DDX3X: variants seen among roughly 807,000 people sequenced by gnomAD.
DDX3X encodes the protein DEAD-box helicase 3 X-linked, also known as ATP-dependent RNA helicase DDX3X.
DDX3X carries 4 observed loss-of-function variants against 52.7 expected under a neutral mutation model. The observed-to-expected ratio is 0.08, with a 90% CI of 0.04 to 0.17. The LOEUF is 0.17. Ranked by LOEUF, DDX3X falls within the 10% of genes least tolerant of loss-of-function variation. DDX3X has a pLI of 1.00. For missense variants in DDX3X, 222 were observed against 548.6 expected, an observed-to-expected ratio of 0.40 and a Z score of 5.95; for synonymous variants, 192 against 178.1, an observed-to-expected ratio of 1.08 and a Z score of -0.62.
At chrX:41,338,898 CCT>C (rs2063808374) in intron 2 of DDX3X, 136 bp from the exon 3 acceptor site, 1 of 215,820 alleles carries the variant, frequency 4.6e-6, no homozygotes, top group African/African-American at 3.0e-5. Flanking sequence ...ATTTTTCCCC[CCT>C]CTCAGTGTCC....
intron 5 of DDX3X, among the ~76,000 whole-genome samples, chrX:41,356,479 A>C (rs1268104181): frequency 8.1e-5 from 3 of 36,975 alleles, no homozygotes; most frequent in Admixed American, 4.0e-4. Context: ...TTTTTTTTTG[A>C]GACGGAGTCT....
In DDX3X at chrX:41,334,508, G is replaced by A. The variant is rs933981025; in HGVS notation, c.45+211G>A. Reference sequence around the variant, plus strand: ...GGTCTCGGCCCGCTGTATTGTCCCCGGGACGAGCACAATGGCGGCTTTTGT... The same window carrying A: ...GGTCTCGGCCCGCTGTATTGTCCCCAGGACGAGCACAATGGCGGCTTTTGT... On this transcript the variant is annotated intron_variant, in intron 1 of 16. Coordinates refer to ENST00000644876, the MANE Select transcript of DDX3X (RefSeq NM_001356.5). 20 of 1,095,236 alleles carry A rather than the reference G, an allele frequency of 1.8e-5. No individual in the cohort carries two copies. In the African/African-American group the frequency reaches 2.8e-4, roughly 15 times the overall value. 90.3% of individuals were successfully genotyped at this position (1,095,236 alleles called of 1,213,427 possible). A position where few individuals can be genotyped will look rare whatever the true frequency, so the allele number is the denominator to read the frequency against.
chrX:41,341,853 A>G, intron 4 of DDX3X: 1 of 317,147 alleles, frequency 3.2e-6, no homozygotes, highest in Non-Finnish European at 5.5e-6. Flanking sequence ...GTTCTACTTA[A>G]AAGAGTAAGT....
chrX:41,346,232 A>G lies in DDX3X; in HGVS notation c.1319A>G (p.Lys440Arg). Reference sequence around the variant, plus strand: ...ACCTATAATTTTTCAACGACAGGCAAGGATTCACTGACCTTAGTGTTTGTG... The same window carrying G: ...ACCTATAATTTTTCAACGACAGGCAGGGATTCACTGACCTTAGTGTTTGTG... ...FLLDLLNATGKDSLTLVFVET... is the reference protein window; with the variant it reads ...FLLDLLNATGRDSLTLVFVET... The change falls in exon 13 of 17, where the codon AAG becomes AGG. Residue 440 changes from lysine to arginine, a missense_variant. By Grantham distance (26) the Lys-to-Arg change is conservative. Transcript: ENST00000644876. The G allele has an allele frequency of 7.5e-6, 9 of 1,201,174 alleles. No homozygotes were observed. The highest frequency in any genetic ancestry group is 2.3e-5 in the Admixed American group (1 of 43,022).
downstream of DDX3X, chrX:41,350,456 A>G (rs936390770): frequency 8.0e-5 from 9 of 112,032 alleles, no homozygotes; most frequent in African/African-American, 2.9e-4. Flanking sequence ...ATAATACAGC[A>G]TGTATTAGAA....
chrX:41,359,955 C>G (rs1348285257), intron 5 of DDX3X, among the ~76,000 whole-genome samples: 3 of 109,157 alleles, frequency 2.7e-5, no homozygotes, highest in African/African-American at 6.7e-5. Context: ...GCACTCCAGC[C>G]TGGGCGACAG....
rs2063966847 is a variant in DDX3X at position 41,349,756 on chromosome X, T to A, written c.*2037T>A. On this transcript the variant is annotated 3_prime_UTR_variant, in exon 17 of 17. Transcript: ENST00000644876. The stretch of plus-strand genomic sequence containing the variant: ...TGTAGCCATAACTTTCTGATGTTAG[T>A]AAAAACAAAATTGGCGACTTGAAAT... 8.9e-6 allele frequency: 1 copy of A among 112,040 alleles called. No individual in the cohort carries two copies. The highest frequency in any genetic ancestry group is 3.6e-4 in the South Asian group (1 of 2,752). 9.2% of individuals were successfully genotyped at this position (112,040 alleles called of 1,213,427 possible).
intron 6 of DDX3X, 76 bp downstream of exon 6, chrX:41,342,912 C>T (rs2063870104): frequency 1.2e-6 from 1 of 859,739 alleles, no homozygotes; most frequent in Admixed American, 2.3e-5. Flanking sequence ...GTGAGATGGG[C>T]TTCATAAAGT....
At chrX:41,342,405 C>T in intron 4 of DDX3X, 90 bp from the exon 5 acceptor site, 1 of 1,030,190 alleles carries the variant, frequency 9.7e-7, no homozygotes, top group East Asian at 3.1e-5. Flanking sequence ...TTAGCCATAA[C>T]TTAAGTCTCC....
downstream of DDX3X, among the ~76,000 whole-genome samples, chrX:41,353,761 G>A (rs2061840021): frequency 9.5e-6 from 1 of 105,224 alleles, no homozygotes; most frequent in Non-Finnish European, 1.9e-5. Context: ...ACAGAGTGAG[G>A]TTCCATCTCA....
At chrX:41,341,791 A>G (rs2063854759) in intron 4 of DDX3X, 175 bp downstream of exon 4, 1 of 406,123 alleles carries the variant, frequency 2.5e-6, no homozygotes, top group South Asian at 4.6e-5. Flanking sequence ...GAAAATAGGA[A>G]TATGCTCATT....
Position 41,344,287 on chromosome X carries a change from G to A in DDX3X, c.913G>A (p.Asp305Asn). ...TCCTTGCGTGGTTTATGGTGGTGCC[G>A]ATATTGGTCAGCAGATTCGAGACTT... The part of the protein sequence containing the change: ...VRPCVVYGGA[D>N]IGQQIRDLER... Residue 305 changes from aspartate to asparagine, a missense_variant, in exon 10 of 17, where the codon GAT becomes AAT. Physicochemically the swap from Asp to Asn is conservative, Grantham distance 23 (BLOSUM62 1). Around this residue, in one of 5 missense-constraint regions of DDX3X, gnomAD observed 73 missense variants for 301.4 expected, o/e 0.24. Coordinates refer to ENST00000644876, the MANE Select transcript of DDX3X (RefSeq NM_001356.5). 1 of 1,211,592 alleles carries A rather than the reference G, an allele frequency of 8.3e-7. No individual in the cohort carries two copies. Among genetic ancestry groups the A allele is most frequent in the Non-Finnish European group, 1.1e-6 (1 of 895,324 alleles).
intron 5 of DDX3X, chrX:41,358,070 T>A: frequency 4.8e-6 from 1 of 208,796 alleles, no homozygotes. Flanking sequence ...ACACTCTTTT[T>A]TTTTTTTTTT....
At chrX:41,334,952 T>C in intron 1 of DDX3X, 1 of 205,332 alleles carries the variant, frequency 4.9e-6, no homozygotes, top group Non-Finnish European at 8.0e-6. Flanking sequence ...TTCCTTCCGC[T>C]GGCTTTTTCG....
chrX:41,345,707 G>A, intron 12 of DDX3X, 159 bp downstream of exon 12: 2 of 468,412 alleles, frequency 4.3e-6, no homozygotes, highest in Non-Finnish European at 7.0e-6. Context: ...CCCCTCCTTA[G>A]GCAACCTGGT....
chrX:41,339,218 A>C (rs1354730838), intron 3 of DDX3X, 135 bp downstream of exon 3: 2 of 275,841 alleles, frequency 7.3e-6, no homozygotes, highest in East Asian at 1.2e-4. Flanking sequence ...GCCTTGGTTC[A>C]AATACTAGAG....
chrX:41,340,625 C>G (rs997917849), intron 3 of DDX3X: 7 of 272,254 alleles, frequency 2.6e-5, no homozygotes, highest in African/African-American at 2.0e-4. Context: ...GAGGGTTTTT[C>G]TTTTTCCCAG....
chrX:41,339,027 T>TA lies in DDX3X; in HGVS notation c.104-9_104-8insA, dbSNP rs778367553. On this transcript the variant is annotated splice_polypyrimidine_tract_variant and intron_variant, in intron 2 of 16. Transcript: ENST00000644876. ...TTAATTAATTTTATATATATATATA[T>TA]TTTTTTAGAAGGGCGCTATATTCCT... 9 of 920,026 alleles carry TA rather than the reference T, an allele frequency of 9.8e-6. No individual in the cohort carries two copies. Among genetic ancestry groups the TA allele is most frequent in the African/African-American group, 2.1e-5 (1 of 47,751 alleles). The allele number at this position is 920,026 out of a possible 1,213,427, so 75.8% of individuals were successfully genotyped here.
intron 1 of DDX3X, chrX:41,335,568 A>G (rs752763178): frequency 3.6e-5 from 4 of 111,834 alleles, no homozygotes; most frequent in Admixed American, 1.9e-4. Context: ...TGTGTGGGTT[A>G]TGCGGAGCTT....
Sources: allele counts gnomAD v4.1 joint callset (sites outside exome capture counted in the v4.1 genomes callset), GRCh38; gene constraint gnomAD v4.1.1; regional missense constraint gnomAD v4.1.1; transcripts MANE v1.5; gene names NCBI Gene and HGNC (gene_info 2026-07-23, HGNC 2026-07-21).